ACAD11: variants seen among roughly 807,000 people sequenced by gnomAD.
ACAD11 encodes acyl-Coenzyme A dehydrogenase family, member 11.
In ACAD11, 83 loss-of-function variants were observed where a neutral mutation model predicts 102.2. The ratio of observed to expected loss-of-function variants is 0.81; its 90% CI spans 0.68 to 0.97. ACAD11 has a LOEUF of 0.97. Ranked by LOEUF, ACAD11 falls within the 50% of genes least tolerant of loss-of-function variation. ACAD11 has a pLI of 0.00. For missense variants in ACAD11, 901 were observed against 951.7 expected (o/e 0.95, Z 0.70); for synonymous variants, 324 against 319.8 (o/e 1.01, Z -0.14).
chr3:132,565,085 T>C (rs563654317), intron 17 of ACAD11, among the ~76,000 whole-genome samples: 1 of 152,260 alleles, frequency 6.6e-6, no homozygotes, highest in Admixed American at 6.5e-5. Flanking sequence ...AAAAATCTTT[T>C]AGAGAATAAC....
chr3:132,630,346 A>T, intron 7 of ACAD11, 91 bp downstream of exon 7: 1 of 1,332,070 alleles, frequency 7.5e-7, no homozygotes, highest in Non-Finnish European at 1.0e-6. Flanking sequence ...TGATCTAAGG[A>T]TAAAGAATAT....
At chr3:132,626,621 A>G in intron 9 of ACAD11, 70 bp downstream of exon 9, 1 of 1,556,348 alleles carries the variant, frequency 6.4e-7, no homozygotes, top group Non-Finnish European at 8.8e-7. Context: ...CTTCTCCTAT[A>G]AGCAGAAATA....
At chr3:132,627,602 C>A (rs1474713321) in intron 8 of ACAD11, among the ~76,000 whole-genome samples, 2 of 152,138 alleles carry the variant, frequency 1.3e-5, no homozygotes, top group African/African-American at 4.8e-5. Context: ...TTGAACAAAC[C>A]ACCATGGCAC....
chr3:132,612,157 A>C (rs1479049450), intron 11 of ACAD11, among the ~76,000 whole-genome samples: 1 of 152,066 alleles, frequency 6.6e-6, no homozygotes, highest in African/African-American at 2.4e-5. Context: ...GGTGCTGGGA[A>C]AACTGGCTAG....
chr3:132,570,745 A>G (rs1295903909), intron 17 of ACAD11, among the ~76,000 whole-genome samples: 2 of 152,118 alleles, frequency 1.3e-5, no homozygotes, highest in Non-Finnish European at 2.9e-5. Flanking sequence ...CCCACTTATA[A>G]GTGACAAAAT....
intron 9 of ACAD11, among the ~76,000 whole-genome samples, chr3:132,623,157 A>C (rs1288760269): frequency 6.6e-6 from 1 of 152,216 alleles, no homozygotes; most frequent in Non-Finnish European, 1.5e-5. Flanking sequence ...AAAGGTCATT[A>C]GAATAGTTTA....
At chr3:132,639,385 G>A (rs555327009) in intron 5 of ACAD11, 107 bp downstream of exon 5, 2 of 1,084,900 alleles carry the variant, frequency 1.8e-6, no homozygotes, top group African/African-American at 1.6e-5. Context: ...AGCTGTAGGG[G>A]AACAGGGAGT....
chr3:132,588,205 G>GTAGGTATGTATGTATA (rs1439693153), intron 13 of ACAD11, among the ~76,000 whole-genome samples: 1 of 151,924 alleles, frequency 6.6e-6, no homozygotes, highest in African/African-American at 2.4e-5. Flanking sequence ...ATGTATGTAT[G>GTAGGTATGTATGTATA]TATGTATGTA....
chr3:132,559,204 C>G, intron 19 of ACAD11, 119 bp from the exon 20 acceptor site: 1 of 756,594 alleles, frequency 1.3e-6, no homozygotes. Flanking sequence ...CCACCAAGGT[C>G]AGGGTAAGAA....
chr3:132,583,573 A>T (rs1937658667), intron 13 of ACAD11, among the ~76,000 whole-genome samples: 1 of 151,832 alleles, frequency 6.6e-6, no homozygotes, highest in Non-Finnish European at 1.5e-5. Flanking sequence ...GATCTTAGCT[A>T]TTTCTTGCCT....
intron 17 of ACAD11, among the ~76,000 whole-genome samples, chr3:132,570,637 T>G (rs1009405558): frequency 3.9e-5 from 6 of 152,118 alleles, no homozygotes; most frequent in Non-Finnish European, 7.4e-5. Context: ...CATTAGTTAT[T>G]TTTCCCGACC....
rs1940117750 is a variant in ACAD11, at chr3:132,633,069, T to C, written c.703-1590A>G. 2.0e-5 allele frequency among the ~76,000 whole-genome samples: 3 copies of C among 152,172 alleles called. No homozygotes were observed. In the South Asian group the frequency reaches 6.2e-4, roughly 31 times the overall value. On this transcript the variant is annotated intron_variant, in intron 5 of 19. Transcript: ENST00000264990. Reference sequence around the variant, plus strand: ...TTCCTAATTGAATACCCTTTATTTCTTTCTCCTGCCTGATTGCCTGGCCAG... The same window carrying C: ...TTCCTAATTGAATACCCTTTATTTCCTTCTCCTGCCTGATTGCCTGGCCAG...
chr3:132,606,103 CT>C (rs1229501170), intron 11 of ACAD11, among the ~76,000 whole-genome samples: 2 of 152,198 alleles, frequency 1.3e-5, no homozygotes, highest in African/African-American at 4.8e-5. Context: ...TGTCTAAAAC[CT>C]TTCCCTTGAG....
chr3:132,650,934 C>T (rs947933551), intron 1 of ACAD11, among the ~76,000 whole-genome samples: 3 of 152,204 alleles, frequency 2.0e-5, no homozygotes, highest in African/African-American at 7.2e-5. Flanking sequence ...TTCTCCACCC[C>T]CTCAACTCCT....
chr3:132,583,692 C>T (rs368646104), intron 13 of ACAD11, among the ~76,000 whole-genome samples: 4 of 151,822 alleles, frequency 2.6e-5, no homozygotes, highest in Non-Finnish European at 5.9e-5. Flanking sequence ...CATTTAGTGC[C>T]ATAAATTTCC....
chr3:132,614,623 T>C (rs989999389), intron 11 of ACAD11, among the ~76,000 whole-genome samples: 1 of 152,206 alleles, frequency 6.6e-6, no homozygotes, highest in South Asian at 2.1e-4. Flanking sequence ...GCTAGCCATA[T>C]GCAGAAAGCT....
intron 8 of ACAD11, among the ~76,000 whole-genome samples, chr3:132,627,849 T>G (rs889298306): frequency 6.6e-6 from 1 of 152,136 alleles, no homozygotes; most frequent in Admixed American, 6.5e-5. Context: ...GCATCACACA[T>G]GCATCTGGTA....
chr3:132,616,537 AAG>A (rs1198399106), intron 11 of ACAD11, among the ~76,000 whole-genome samples: 1 of 152,222 alleles, frequency 6.6e-6, no homozygotes, highest in African/African-American at 2.4e-5. Flanking sequence ...TGCATGTAGT[AAG>A]AGAAACTCTT....
At chr3:132,634,373 T>G (rs888853900) in intron 5 of ACAD11, among the ~76,000 whole-genome samples, 1 of 152,076 alleles carries the variant, frequency 6.6e-6, no homozygotes, top group African/African-American at 2.4e-5. Context: ...CTCACACCAG[T>G]TAGAATGGCG....
Sources: gnomAD v4.1 joint callset for allele counts (sites outside exome capture counted in the v4.1 genomes callset) on GRCh38, gnomAD v4.1.1 for gene constraint, MANE v1.5 for transcripts, NCBI Gene and HGNC (gene_info 2026-07-23, HGNC 2026-07-21) for gene names.